Variants in SCAMP1 observed in about 807,000 individuals in gnomAD.
SCAMP1 encodes secretory carrier membrane protein 1.
Under a neutral mutation model 41.8 loss-of-function variants are expected in SCAMP1, and 15 were observed. The observed-to-expected ratio is 0.36, with a 90% CI of 0.24 to 0.55. The LOEUF (loss-of-function observed/expected upper bound fraction) is 0.55. Among genes scored for constraint, SCAMP1 ranks in the 20% least tolerant of loss-of-function variants. The pLI is 0.86. For missense variants in SCAMP1, 341 were observed against 412.6 expected, an observed-to-expected ratio of 0.83 and a Z score of 1.50; for synonymous variants, 135 against 136.8, an observed-to-expected ratio of 0.99 and a Z score of 0.09.
At chr5:78,360,961 G>A (rs1274225448) in intron 1 of SCAMP1, 2 of 528,176 alleles carry the variant, frequency 3.8e-6, no homozygotes, top group East Asian at 3.5e-5. Context: ...CCTTCCACAC[G>A]TCCCCGACTG....
At chr5:78,400,310 A>C (rs908875762) in intron 2 of SCAMP1, among the ~76,000 whole-genome samples, 2 of 152,044 alleles carry the variant, frequency 1.3e-5, no homozygotes, top group Non-Finnish European at 2.9e-5. Flanking sequence ...CAATCTTCCA[A>C]CTTTATTCTT....
chr5:78,385,545 A>G (rs550848700), intron 1 of SCAMP1, among the ~76,000 whole-genome samples: 29 of 151,980 alleles, frequency 1.9e-4, no homozygotes, highest in South Asian at 8.3e-4. Context: ...TAGATTGTCT[A>G]TTTGTGCTGT....
At chr5:78,443,470 G>A (rs1752978290) in intron 6 of SCAMP1, among the ~76,000 whole-genome samples, 1 of 151,926 alleles carries the variant, frequency 6.6e-6, no homozygotes, top group South Asian at 2.1e-4. Context: ...AAGTATAGAG[G>A]ATTCAGAGTT....
chr5:78,448,031 TC>T (rs1753105971), intron 6 of SCAMP1, among the ~76,000 whole-genome samples: 1 of 5,028 alleles, frequency 2.0e-4, no homozygotes, highest in South Asian at 0.019. Flanking sequence ...TTCCCCCTCC[TC>T]CCCTTCTCCC....
At chr5:78,421,014 T>A (rs557970131) in intron 5 of SCAMP1, among the ~76,000 whole-genome samples, 1 of 152,350 alleles carries the variant, frequency 6.6e-6, no homozygotes, top group African/African-American at 2.4e-5. Context: ...AATAAATTTT[T>A]AAAAAATCCT....
At chr5:78,386,627 G>A (rs1751348301) in intron 1 of SCAMP1, among the ~76,000 whole-genome samples, 1 of 151,600 alleles carries the variant, frequency 6.6e-6, no homozygotes, top group East Asian at 1.9e-4. Context: ...TTTAGAGCTC[G>A]TTTTCATAGT....
intron 8 of SCAMP1, among the ~76,000 whole-genome samples, chr5:78,469,065 T>A (rs1232131252): frequency 1.3e-5 from 2 of 152,106 alleles, no homozygotes; most frequent in East Asian, 3.8e-4. Flanking sequence ...TCTATGTGAG[T>A]TTGGTTGGAA....
intron 1 of SCAMP1, among the ~76,000 whole-genome samples, chr5:78,382,396 T>C (rs148245056): frequency 1.3e-5 from 2 of 152,310 alleles, no homozygotes; most frequent in African/African-American, 4.8e-5. Flanking sequence ...CACACATACA[T>C]ATACTACAAT....
chr5:78,439,598 G>T (rs1752864711), intron 6 of SCAMP1, among the ~76,000 whole-genome samples: 1 of 152,140 alleles, frequency 6.6e-6, no homozygotes, highest in African/African-American at 2.4e-5. Context: ...TTAGTCTGAT[G>T]GGCTTACCTT....
chr5:78,438,522 T>C (rs1216607174), intron 6 of SCAMP1, among the ~76,000 whole-genome samples: 1 of 152,184 alleles, frequency 6.6e-6, no homozygotes, highest in East Asian at 1.9e-4. Context: ...AGTTGAGCGG[T>C]TTTGAGTGAG....
chr5:78,381,479 C>CA (rs1375638102), intron 1 of SCAMP1, among the ~76,000 whole-genome samples: 1 of 152,336 alleles, frequency 6.6e-6, no homozygotes, highest in Admixed American at 6.5e-5. Flanking sequence ...ATCCTAAACT[C>CA]ACTTCTAAAT....
intron 5 of SCAMP1, among the ~76,000 whole-genome samples, chr5:78,419,200 G>T (rs774306484): frequency 1.1e-4 from 17 of 152,106 alleles, no homozygotes; most frequent in Non-Finnish European, 2.4e-4. Context: ...TTCCTTGAAA[G>T]ATGTTATCTA....
At position 78,388,899 on chromosome 5, in the gene SCAMP1, C is replaced by A; in HGVS notation, c.120C>A (p.Phe40Leu). ...VPPGLDEYNP[F>L]SDSRTPPPGG... is the part of the protein sequence containing the mutation. ...CAGGACTTGATGAATATAATCCATT[C>A]TCGGATTCTAGAACAGTAAGATTAT... The change falls in exon 2 of 9, where the codon TTC becomes TTA. Residue 40 changes from phenylalanine to leucine, a missense_variant. Coordinates refer to ENST00000621999, the MANE Select transcript of SCAMP1 (RefSeq NM_004866.6). 6.6e-7 allele frequency: 1 copy of A among 1,523,288 alleles called. No individual in the cohort carries two copies. The highest frequency in any genetic ancestry group is 9.0e-7 in the Non-Finnish European group (1 of 1,105,502). The allele number at this position is 1,523,288 out of a possible 1,614,324, so 94.4% of individuals were successfully genotyped here. A position where few individuals can be genotyped will look rare whatever the true frequency, so the allele number is the denominator to read the frequency against.
intron 1 of SCAMP1, among the ~76,000 whole-genome samples, chr5:78,387,677 C>T (rs1169301873): frequency 6.6e-6 from 1 of 152,106 alleles, no homozygotes; most frequent in Admixed American, 6.5e-5. Flanking sequence ...CCTCCCTTTC[C>T]TGTACGGATG....
At chr5:78,448,698 G>A (rs921727813) in intron 6 of SCAMP1, among the ~76,000 whole-genome samples, 1 of 152,194 alleles carries the variant, frequency 6.6e-6, no homozygotes, top group Non-Finnish European at 1.5e-5. Context: ...CTGCCAGTGG[G>A]GATGAAAAGT....
chr5:78,430,869 A>G (rs1752603526), intron 6 of SCAMP1, among the ~76,000 whole-genome samples: 5 of 152,082 alleles, frequency 3.3e-5, no homozygotes, highest in Admixed American at 3.3e-4. Flanking sequence ...TTTCTTGACT[A>G]GCTCTTTAAC....
chr5:78,450,599 G>A (rs1350770702), intron 7 of SCAMP1, among the ~76,000 whole-genome samples: 1 of 152,196 alleles, frequency 6.6e-6, no homozygotes, highest in Non-Finnish European at 1.5e-5. Flanking sequence ...GGTAATAGCA[G>A]ATTTAGGTCT....
chr5:78,385,489 TG>T (rs1264100546), intron 1 of SCAMP1, among the ~76,000 whole-genome samples: 2 of 152,120 alleles, frequency 1.3e-5, no homozygotes, highest in Admixed American at 1.3e-4. Context: ...CTTCTGGGTT[TG>T]GGTTTGGTTT....
chr5:78,424,868 TAG>T (rs1561270607), intron 6 of SCAMP1, among the ~76,000 whole-genome samples: 1 of 152,222 alleles, frequency 6.6e-6, no homozygotes, highest in East Asian at 1.9e-4. Context: ...GAGTAACTAT[TAG>T]AAACAGACTG....
Sources: gnomAD v4.1 joint callset for allele counts (sites outside exome capture counted in the v4.1 genomes callset) on GRCh38, gnomAD v4.1.1 for gene constraint, MANE v1.5 for transcripts, NCBI Gene and HGNC (gene_info 2026-07-23, HGNC 2026-07-21) for gene names.